Variants in KIF17 observed in about 807,000 individuals in gnomAD.
The protein encoded by KIF17 is kinesin-like protein KIF17.
KIF17 carries 80 observed loss-of-function variants against 96.8 expected under a neutral mutation model. The ratio of observed to expected loss-of-function variants is 0.83; its 90% CI spans 0.69 to 1.00. The LOEUF (loss-of-function observed/expected upper bound fraction) is 1.00, where lower values mean the gene tolerates loss of function less well. Among genes scored for constraint, KIF17 ranks in the 50% least tolerant of loss-of-function variants. KIF17 has a pLI of 0.00. For synonymous variants in KIF17, 567 were observed against 587.5 expected (o/e 0.97, Z 0.51); for missense variants, 1,280 against 1,372.9 (o/e 0.93, Z 1.07).
At chr1:20,668,518 A>G (rs1406886615) in intron 13 of KIF17, among the ~76,000 whole-genome samples, 1 of 152,192 alleles carries the variant, frequency 6.6e-6, no homozygotes, top group African/African-American at 2.4e-5. Flanking sequence ...TTTTCCTGGC[A>G]GCAACTTTCC....
In KIF17 at chr1:20,689,615, C is replaced by T. The variant is rs575445760; in HGVS notation, c.1381+573G>A. On this transcript the variant is annotated intron_variant, in intron 7 of 14. Coordinates refer to ENST00000400463, the MANE Select transcript of KIF17 (RefSeq NM_001122819.3). ...GCAGTAAGCCAAGGTCATGCCACTG[C>T]ACTCCAGCCTGGGCGATGGAGCAAG... 2.6e-5 allele frequency among the ~76,000 whole-genome samples: 4 copies of T among 152,146 alleles called. No homozygotes were observed. In the East Asian group the frequency reaches 5.8e-4, roughly 22 times the overall value.
At chr1:20,689,075 T>A (rs1157443896) in intron 7 of KIF17, among the ~76,000 whole-genome samples, 1 of 152,184 alleles carries the variant, frequency 6.6e-6, no homozygotes, top group African/African-American at 2.4e-5. Flanking sequence ...TGGATCTCTC[T>A]CAGCCTTGGT....
At position 20,682,736 on chromosome 1, in the gene KIF17, C is replaced by A. The variant is rs756546397; in HGVS notation, c.2380G>T (p.Asp794Tyr). Reference protein sequence around the residue: ...ALQNSDEDSGDWVLLNVYDSI... With the variant: ...ALQNSDEDSGYWVLLNVYDSI... ...TCGTAGACGTTAAGCAGCACCCAGTCCCCGCTGTCCTCATCCGAGTTCTGC... is the reference window on the plus strand; with the variant it reads ...TCGTAGACGTTAAGCAGCACCCAGTACCCGCTGTCCTCATCCGAGTTCTGC... Residue 794 changes from aspartate to tyrosine, a missense_variant, in exon 11 of 15, where the codon GAC becomes TAC. By Grantham distance (160) the Asp-to-Tyr change is radical. Transcript: ENST00000400463. The A allele has an allele frequency of 2.5e-6, 4 of 1,613,498 alleles. No homozygotes were observed. Among genetic ancestry groups the A allele is most frequent in the South Asian group, 1.1e-5 (1 of 91,090 alleles).
In KIF17 at chr1:20,696,825, C is replaced by T. The variant is rs373543660; in HGVS notation, c.1233+1554G>A. Among the ~76,000 whole-genome samples the T allele has an allele frequency of 2.1e-4, 32 of 152,270 alleles. 1 individual carries two copies. In the South Asian group the frequency reaches 6.4e-3, roughly 31 times the overall value. ...AGCAGGCTGACTTCTCTGGTTTCTG[C>T]GGGCTTGTCTGAGCTCAGCCATCCC... On this transcript the variant is annotated intron_variant, in intron 6 of 14. Coordinates refer to ENST00000400463, the MANE Select transcript of KIF17 (RefSeq NM_001122819.3).
At position 20,698,468 on chromosome 1, in the gene KIF17, G is replaced by T; in HGVS notation, c.1144C>A (p.Pro382Thr). 2 of 1,613,176 alleles carry T rather than the reference G, an allele frequency of 1.2e-6. No homozygotes were observed. Among genetic ancestry groups the T allele is most frequent in the South Asian group, 1.1e-5 (1 of 91,080 alleles). The change falls in exon 6 of 15, where the codon CCC becomes ACC. Residue 382 changes from proline to threonine, a missense_variant. Pro to Thr is a conservative substitution (Grantham distance 38). Coordinates refer to ENST00000400463, the MANE Select transcript of KIF17 (RefSeq NM_001122819.3). ...TCCTCCACCTGCACAGGGTCTGGGG[G>T]CACCTGCCTGGACAGCAGGGCTGGG... ...SLSALLSRQV[P>T]PDPVQVEEKL...
intron 1 of KIF17, 164 bp downstream of exon 1, chr1:20,717,312 G>T: frequency 1.4e-6 from 1 of 704,496 alleles, no homozygotes; most frequent in South Asian, 1.9e-5. Flanking sequence ...GGCAGGCTCT[G>T]GTTGTGTCCC....
In KIF17 at chr1:20,713,540, T is replaced by TA. The variant is rs1430461599; in HGVS notation, c.393dup (p.Lys132Ter). On this transcript the variant is annotated frameshift_variant, in exon 3 of 15. Transcript: ENST00000400463. LOFTEE classifies it high-confidence loss of function. Reference sequence around the variant, plus strand: ...AGGTAGGAGGCCCGGACCAGGAACTTAGTGTTCTCTGCACACTGCAGGGAG... The same window carrying TA: ...AGGTAGGAGGCCCGGACCAGGAACTTAAGTGTTCTCTGCACACTGCAGGGAG... The TA allele has an allele frequency of 1.3e-5, 21 of 1,612,720 alleles. No individual in the cohort carries two copies. Among genetic ancestry groups the TA allele is most frequent in the Non-Finnish European group, 1.7e-5 (20 of 1,179,526 alleles).
At chr1:20,681,523 C>G (rs1460574302) in intron 11 of KIF17, among the ~76,000 whole-genome samples, 3 of 151,990 alleles carry the variant, frequency 2.0e-5, no homozygotes, top group Non-Finnish European at 2.9e-5. Context: ...TTGGCAAGAT[C>G]CTTAGGATGC....
intron 6 of KIF17, among the ~76,000 whole-genome samples, chr1:20,694,876 T>C (rs2054106566): frequency 6.6e-6 from 1 of 152,116 alleles, no homozygotes; most frequent in South Asian, 2.1e-4. Context: ...CCAGGGCCCA[T>C]GACTCGAGTC....
At chr1:20,664,820 T>C in intron 14 of KIF17, 58 bp from the exon 15 acceptor site, 2 of 1,511,586 alleles carry the variant, frequency 1.3e-6, no homozygotes, top group Non-Finnish European at 1.8e-6. Flanking sequence ...GGAGAGAAAA[T>C]GCCCCAAGTG....
chr1:20,697,627 A>AAATG lies in KIF17; in HGVS notation c.1233+748_1233+751dup, dbSNP rs2054164971. Among the ~76,000 whole-genome samples the AAATG allele has an allele frequency of 2.0e-5, 3 of 152,172 alleles. 1 individual carries two copies. The South Asian group carries it at 6.2e-4, about 32-fold the overall frequency. The stretch of plus-strand genomic sequence containing the variant: ...CTCAAAAATAAGTAAGTAAATAAAT[A>AAATG]AATGAATAAAGGGACTGCCACATGT... On this transcript the variant is annotated intron_variant, in intron 6 of 14. Transcript: ENST00000400463.
In KIF17 at chr1:20,687,731, G is replaced by C; in HGVS notation, c.1595C>G (p.Ser532Cys). The stretch of plus-strand genomic sequence containing the variant: ...CTCACTGGAGCCCAGAGAAATCTCA[G>C]ATTTGGAGGGTTCCACCTTGGGCAG... ...AELPKVEPSK[S>C]EISLGSSESS... Residue 532 changes from serine to cysteine, a missense_variant, in exon 8 of 15, where the codon TCT (serine) becomes TGT (cysteine). Coordinates refer to ENST00000400463, the MANE Select transcript of KIF17 (RefSeq NM_001122819.3). The surrounding 1 kb of genome is among the most constrained non-coding windows in gnomAD (Gnocchi z 4.4). 1.2e-6 allele frequency: 2 copies of C among 1,614,206 alleles called. No individual in the cohort carries two copies. The highest frequency in any genetic ancestry group is 1.7e-6 in the Non-Finnish European group (2 of 1,180,028).
chr1:20,713,696 C>T, intron 2 of KIF17, 141 bp from the exon 3 acceptor site: 1 of 705,770 alleles, frequency 1.4e-6, no homozygotes, highest in South Asian at 1.5e-5. Context: ...AGTCTCCAAC[C>T]CAACCCGCCC....
intron 11 of KIF17, among the ~76,000 whole-genome samples, chr1:20,673,959 C>T (rs1231189501): frequency 6.6e-6 from 1 of 152,078 alleles, no homozygotes; most frequent in Non-Finnish European, 1.5e-5. Flanking sequence ...GACAGGGTCT[C>T]ACTCTGTTGC....
intron 12 of KIF17, among the ~76,000 whole-genome samples, 154 bp downstream of exon 12, chr1:20,671,784 A>G (rs904784043): frequency 6.6e-6 from 1 of 152,080 alleles, no homozygotes; most frequent in African/African-American, 2.4e-5. Flanking sequence ...TCCAGAACAC[A>G]CCACTTTCTC....
intron 1 of KIF17, 68 bp from the exon 2 acceptor site, chr1:20,715,707 C>T (rs1293102979): frequency 1.3e-6 from 2 of 1,596,580 alleles, no homozygotes; most frequent in African/African-American, 1.3e-5. Flanking sequence ...GACAGGGCTC[C>T]CTAACCCACA....
intron 6 of KIF17, among the ~76,000 whole-genome samples, chr1:20,695,655 C>T (rs2054124609): frequency 1.3e-5 from 2 of 150,980 alleles, no homozygotes; most frequent in South Asian, 4.2e-4. Context: ...AGGACTCCCT[C>T]ACCTTCCCAC....
intron 5 of KIF17, 86 bp from the exon 6 acceptor site, chr1:20,698,574 A>G (rs565506102): frequency 3.5e-6 from 3 of 849,592 alleles, no homozygotes; most frequent in Non-Finnish European, 5.9e-6. Flanking sequence ...AGACGACCTC[A>G]TGGTCATTCA....
chr1:20,669,510 T>A (rs1557580837), intron 13 of KIF17, among the ~76,000 whole-genome samples: 1 of 147,728 alleles, frequency 6.8e-6, no homozygotes, highest in Non-Finnish European at 1.5e-5. Context: ...CACTCTAGCA[T>A]GGGCGACAGA....
Sources: gnomAD v4.1 joint callset for allele counts (sites outside exome capture counted in the v4.1 genomes callset) on GRCh38, gnomAD v4.1.1 for gene constraint, Gnocchi (gnomAD v3.1) non-coding constraint, MANE v1.5 for transcripts, NCBI Gene and HGNC (gene_info 2026-07-23, HGNC 2026-07-21) for gene names.